Variants in CDCP2 observed in about 807,000 individuals in gnomAD.
The protein encoded by CDCP2 is CUB domain containing protein 2.
A neutral mutation model predicts 31.0 loss-of-function variants in CDCP2; 31 were observed. The observed-to-expected ratio is 1.00, with a 90% CI of 0.75 to 1.35. CDCP2 has a LOEUF of 1.35. Among genes scored for constraint, CDCP2 ranks in the 40% most tolerant of loss-of-function variants. The probability of loss-of-function intolerance (pLI) is 0.00; values close to 1 mark genes in which losing one functional copy is unlikely to be tolerated. For synonymous variants in CDCP2, 206 were observed against 207.9 expected, an observed-to-expected ratio of 0.99 and a Z score of 0.08; for missense variants, 443 against 482.6, an observed-to-expected ratio of 0.92 and a Z score of 0.77.
intron 4 of CDCP2, chr1:54,137,692 T>TGTGTGTGTGTGTGTGTGTGTGCGTGC (rs60839953): frequency 6.8e-6 from 1 of 146,090 alleles, no homozygotes; most frequent in South Asian, 2.2e-4. Context: ...TGCGTGTGTG[T>TGTGTGTGTGTGTGTGTGTGTGCGTGC]GTGTGTGTGT....
At chr1:54,140,980 G>T in intron 3 of CDCP2, 118 bp downstream of exon 3, 1 of 784,896 alleles carries the variant, frequency 1.3e-6, no homozygotes, top group Non-Finnish European at 2.0e-6. Flanking sequence ...CAGGCAGAGA[G>T]AGTGCAGAAA....
Position 54,139,394 on chromosome 1 carries a change from T to C in CDCP2, c.1117+359A>G, listed in dbSNP as rs553675696. ...ACATCCCCACAGTTATACCAATTTT[T>C]TTGCCATAAACAATATTACCATATT... On this transcript the variant is annotated intron_variant, in intron 4 of 5. Coordinates refer to ENST00000530059, the Ensembl canonical transcript of CDCP2. 5.5e-6 allele frequency: 4 copies of C among 722,216 alleles called. No individual in the cohort carries two copies. In the South Asian group the frequency reaches 5.7e-5, roughly 10 times the overall value. The allele number at this position is 722,216 out of a possible 1,614,324, so 44.7% of individuals were successfully genotyped here. A position where few individuals can be genotyped will look rare whatever the true frequency, so the allele number is the denominator to read the frequency against.
At chr1:54,152,261 C>T (rs1057026447) in intron 1 of CDCP2, among the ~76,000 whole-genome samples, 23 of 151,960 alleles carry the variant, frequency 1.5e-4, no homozygotes, top group African/African-American at 4.8e-4. Context: ...GTTAGGAGTT[C>T]GAGACCAGCA....
At chr1:54,144,071 T>G in intron 2 of CDCP2, 1 of 168,094 alleles carries the variant, frequency 5.9e-6, no homozygotes, top group Non-Finnish European at 1.3e-5. Flanking sequence ...ATGACAAGGG[T>G]AGTAGAGCAT....
chr1:54,136,610 C>T lies in CDCP2; in HGVS notation c.1296+20G>A, dbSNP rs773440366. On this transcript the variant is annotated intron_variant, in intron 5 of 5. Transcript: ENST00000530059. ...GGTCAGAGTCCCTCCCTTGTGACTG[C>T]CCCTTCCCCCAGCCCCTACCTGAGA... 1.5e-5 allele frequency: 6 copies of T among 399,102 alleles called. No individual in the cohort carries two copies. The highest frequency in any genetic ancestry group is 2.7e-5 in the Non-Finnish European group (6 of 226,198). 24.7% of individuals were successfully genotyped at this position (399,102 alleles called of 1,614,324 possible). A position where few individuals can be genotyped will look rare whatever the true frequency, so the allele number is the denominator to read the frequency against.
intron 1 of CDCP2, among the ~76,000 whole-genome samples, chr1:54,146,267 C>T (rs954035111): frequency 2.6e-5 from 4 of 151,514 alleles, no homozygotes; most frequent in African/African-American, 9.7e-5. Context: ...GCAACCTCTG[C>T]CTTCCAGGTT....
At chr1:54,137,684 C>CG (rs1553173541) in intron 4 of CDCP2, 8 of 16,866 alleles carry the variant, frequency 4.7e-4, no homozygotes. Context: ...TGTGTGTGTG[C>CG]GTGTGTGTGT....
At chr1:54,152,663 C>G (rs1448590880) in intron 1 of CDCP2, among the ~76,000 whole-genome samples, 181 bp downstream of exon 1, 1 of 152,212 alleles carries the variant, frequency 6.6e-6, no homozygotes, top group African/African-American at 2.4e-5. Context: ...ACATGCAACA[C>G]ACGGCAGGCA....
At position 54,144,359 on chromosome 1, in the gene CDCP2, C is replaced by A. The variant is rs1170979309; in HGVS notation, c.427+107G>T. Reference sequence around the variant, plus strand: ...AGGGCCAGCTCCTCCACTGCCAAATCCCCCCTTGAACTCCTGGGATCAAGT... The same window carrying A: ...AGGGCCAGCTCCTCCACTGCCAAATACCCCCTTGAACTCCTGGGATCAAGT... On this transcript the variant is annotated intron_variant, in intron 2 of 5. Transcript: ENST00000530059. The A allele has an allele frequency of 8.7e-6, 9 of 1,033,102 alleles. No individual in the cohort carries two copies. The highest frequency in any genetic ancestry group is 1.3e-5 in the Non-Finnish European group (9 of 719,250). 64.0% of individuals were successfully genotyped at this position (1,033,102 alleles called of 1,614,324 possible). A position where few individuals can be genotyped will look rare whatever the true frequency, so the allele number is the denominator to read the frequency against.
chr1:54,149,008 T>A (rs943070701), intron 1 of CDCP2, among the ~76,000 whole-genome samples: 16 of 146,660 alleles, frequency 1.1e-4, no homozygotes, highest in South Asian at 4.2e-4. Context: ...TATATTTATT[T>A]TATATATATA....
intron 1 of CDCP2, among the ~76,000 whole-genome samples, chr1:54,151,180 C>T (rs915993152): frequency 5.9e-5 from 9 of 152,276 alleles, no homozygotes; most frequent in South Asian, 2.1e-4. Flanking sequence ...AAGGCCCAGA[C>T]GCACGTGCAC....
chr1:54,140,393 C>T (rs1053341274), intron 3 of CDCP2: 16 of 486,522 alleles, frequency 3.3e-5, no homozygotes, highest in Non-Finnish European at 5.3e-5. Flanking sequence ...TAATAATACA[C>T]AATACCTGTC....
chr1:54,150,398 C>A (rs1476534268), intron 1 of CDCP2, among the ~76,000 whole-genome samples: 1 of 152,088 alleles, frequency 6.6e-6, no homozygotes, highest in Non-Finnish European at 1.5e-5. Context: ...AGTTCGAGAC[C>A]AGCCCAGCCA....
intron 5 of CDCP2, among the ~76,000 whole-genome samples, chr1:54,133,913 C>CAAACAAAAAAAAAAAAAAA (rs748829165): frequency 6.9e-6 from 1 of 144,770 alleles, no homozygotes; most frequent in Non-Finnish European, 1.5e-5. Context: ...AACAAACAAA[C>CAAACAAAAAAAAAAAAAAA]AAAAAAAACC....
rs199683563 is a variant in CDCP2, at chr1:54,139,643, C to A, written c.1117+110G>T. 1.4e-4 allele frequency: 203 copies of A among 1,461,064 alleles called. No homozygotes were observed. The highest frequency in any genetic ancestry group is 4.7e-4 in the African/African-American group (22 of 46,396). The allele number at this position is 1,461,064 out of a possible 1,614,324, so 90.5% of individuals were successfully genotyped here. On this transcript the variant is annotated intron_variant, in intron 4 of 5. Coordinates refer to ENST00000530059, the Ensembl canonical transcript of CDCP2. ...GGAGAAGGAGCTGGAGAAGACCATTCATGGGGGGGGCAGGACAAACTGGTG... is the reference window on the plus strand; with the variant it reads ...GGAGAAGGAGCTGGAGAAGACCATTAATGGGGGGGGCAGGACAAACTGGTG...
chr1:54,148,370 G>T (rs1449865486), intron 1 of CDCP2, among the ~76,000 whole-genome samples: 1 of 127,330 alleles, frequency 7.9e-6, no homozygotes, highest in African/African-American at 3.0e-5. Flanking sequence ...AAGAAAAAAA[G>T]AAAAAAAAAA....
At position 54,133,241 on chromosome 1, in the gene CDCP2, G is replaced by A. The variant is rs559556566; in HGVS notation, c.1350C>T (p.Ala450=). The change falls in exon 6 of 6, where the codon GCC becomes GCT. Residue 450 remains alanine (A), a synonymous_variant. Transcript: ENST00000530059. ...ACTCATGGATGTCCTCCCGCCCCGC[G>A]GCTGAGAAGTCGATGTACAGCACGC... is the stretch of plus-strand genomic sequence containing the variant. The A allele has an allele frequency of 1.7e-4, 68 of 399,146 alleles. 1 individual carries two copies. The highest frequency in any genetic ancestry group is 2.4e-4 in the Non-Finnish European group (54 of 226,108). The allele number at this position is 399,146 out of a possible 1,614,324, so 24.7% of individuals were successfully genotyped here. A position where few individuals can be genotyped will look rare whatever the true frequency, so the allele number is the denominator to read the frequency against.
intron 2 of CDCP2, chr1:54,143,314 T>C: frequency 6.6e-6 from 1 of 152,418 alleles, no homozygotes; most frequent in Non-Finnish European, 1.5e-5. Flanking sequence ...CACTCCAGCC[T>C]GGATGACAGA....
At chr1:54,141,352 T>C (rs770747819) in exon 3 of CDCP2, 50 of 1,613,992 alleles carry the variant, frequency 3.1e-5, no homozygotes, top group Non-Finnish European at 1.3e-5. Context: ...CCAGTGGCAC[T>C]CCATGCTGTT....
Sources: gnomAD v4.1 joint callset for allele counts (sites outside exome capture counted in the v4.1 genomes callset) on GRCh38, gnomAD v4.1.1 for gene constraint, MANE v1.5 for transcripts, NCBI Gene and HGNC (gene_info 2026-07-23, HGNC 2026-07-21) for gene names.